Variants in KCNIP4 observed in about 807,000 individuals in gnomAD.
KCNIP4 encodes the protein potassium voltage-gated channel interacting protein 4.
Under a neutral mutation model 34.0 loss-of-function variants are expected in KCNIP4, and 12 were observed. The ratio of observed to expected loss-of-function variants is 0.35; its 90% CI spans 0.23 to 0.57. The LOEUF (loss-of-function observed/expected upper bound fraction) is 0.57. Among genes scored for constraint, KCNIP4 ranks in the 20% least tolerant of loss-of-function variants. The pLI, the probability that KCNIP4 is intolerant of heterozygous loss-of-function variation, is 0.83. For synonymous variants in KCNIP4, 124 were observed against 102.2 expected (o/e 1.21, Z -1.29); for missense variants, 238 against 311.7 (o/e 0.76, Z 1.78).
chr4:20,766,427 G>A lies in KCNIP4; in HGVS notation c.289-7537C>T, dbSNP rs1032087216. On this transcript the variant is annotated intron_variant, in intron 3 of 8. Coordinates refer to ENST00000382152, the MANE Select transcript of KCNIP4 (RefSeq NM_025221.6). The stretch of plus-strand genomic sequence containing the variant: ...CTAAAAATACAAAAATTAGCCAGGC[G>A]TGGTGGCACATGCCTATAATCTGAA... Among the ~76,000 whole-genome samples the A allele has an allele frequency of 5.9e-5, 9 of 152,222 alleles. No homozygotes were observed. The East Asian group carries it at 9.7e-4, about 16-fold the overall frequency.
chr4:21,765,174 G>A (rs1310458151), intron 1 of KCNIP4, among the ~76,000 whole-genome samples: 5 of 95,920 alleles, frequency 5.2e-5, no homozygotes, highest in African/African-American at 1.4e-4. Context: ...TTTTTTTTCC[G>A]AGACAGAGTC....
intron 1 of KCNIP4, among the ~76,000 whole-genome samples, chr4:21,809,578 T>A (rs1245380081): frequency 6.6e-6 from 1 of 152,212 alleles, no homozygotes; most frequent in South Asian, 2.1e-4. Flanking sequence ...AGGTATCTCA[T>A]CTTTCCAGGC....
chr4:21,382,427 A>T (rs1034954539), intron 1 of KCNIP4, among the ~76,000 whole-genome samples: 10 of 152,226 alleles, frequency 6.6e-5, no homozygotes. Flanking sequence ...TCAAAGGAGC[A>T]GTATAATGAT....
intron 3 of KCNIP4, among the ~76,000 whole-genome samples, chr4:20,839,976 G>C (rs552317280): frequency 2.0e-5 from 3 of 152,190 alleles, no homozygotes; most frequent in Non-Finnish European, 2.9e-5. Context: ...TGTTGGGAAA[G>C]TGTCTACCAT....
At chr4:21,410,258 G>GT (rs1724370731) in intron 1 of KCNIP4, among the ~76,000 whole-genome samples, 1 of 152,180 alleles carries the variant, frequency 6.6e-6, no homozygotes, top group Non-Finnish European at 1.5e-5. Flanking sequence ...AAGTTGTAGT[G>GT]TTTTAAAATA....
intron 1 of KCNIP4, among the ~76,000 whole-genome samples, chr4:21,109,164 T>G (rs1748893379): frequency 6.6e-6 from 1 of 152,158 alleles, no homozygotes; most frequent in Non-Finnish European, 1.5e-5. Context: ...CTGCAGAGGT[T>G]ACTGCTGTCT....
intron 1 of KCNIP4, among the ~76,000 whole-genome samples, chr4:21,001,209 GATACA>G (rs150734884): frequency 0.011 from 1,694 of 152,170 alleles, 26 homozygotes; most frequent in East Asian, 0.035. Flanking sequence ...AACATACATA[GATACA>G]ATACATCACC....
At chr4:20,848,338 G>C (rs1454559802) in intron 3 of KCNIP4, among the ~76,000 whole-genome samples, 3 of 151,630 alleles carry the variant, frequency 2.0e-5, no homozygotes, top group Non-Finnish European at 4.4e-5. Flanking sequence ...AATTCACAAG[G>C]GGAAGAGACA....
At chr4:21,367,327 C>T (rs1403768720) in intron 1 of KCNIP4, among the ~76,000 whole-genome samples, 1 of 152,138 alleles carries the variant, frequency 6.6e-6, no homozygotes, top group Non-Finnish European at 1.5e-5. Context: ...TTTCTTGTAT[C>T]TGATTTGTCT....
intron 1 of KCNIP4, among the ~76,000 whole-genome samples, chr4:20,973,995 C>T (rs753563397): frequency 9.9e-5 from 15 of 151,810 alleles, no homozygotes; most frequent in African/African-American, 2.9e-4. Flanking sequence ...TTTGAAATAC[C>T]GTAAAAAATT....
At chr4:21,505,235 T>C (rs779564671) in intron 1 of KCNIP4, among the ~76,000 whole-genome samples, 2 of 151,184 alleles carry the variant, frequency 1.3e-5, no homozygotes, top group Non-Finnish European at 2.9e-5. Flanking sequence ...TTTCCCCCCA[T>C]TGGATTTTCT....
intron 1 of KCNIP4, among the ~76,000 whole-genome samples, chr4:21,175,840 C>T (rs79687704): frequency 0.078 from 11,864 of 152,140 alleles, 637 homozygotes; most frequent in Middle Eastern, 0.15. Flanking sequence ...GGCAGCTGAC[C>T]ACAGATAAAT....
At chr4:21,042,806 G>A (rs75468784) in intron 1 of KCNIP4, among the ~76,000 whole-genome samples, 3,763 of 152,220 alleles carry the variant, frequency 0.025, 68 homozygotes, top group Middle Eastern at 0.054. Context: ...CAATTATTAT[G>A]TGTCAATCGT....
intron 1 of KCNIP4, among the ~76,000 whole-genome samples, chr4:21,415,487 T>A (rs969891620): frequency 6.6e-6 from 1 of 150,958 alleles, no homozygotes; most frequent in Non-Finnish European, 1.5e-5. Context: ...AGGTCAGGAG[T>A]TCGAGACCAG....
At chr4:21,479,444 G>C (rs1426273396) in intron 1 of KCNIP4, among the ~76,000 whole-genome samples, 2 of 152,102 alleles carry the variant, frequency 1.3e-5, no homozygotes, top group Non-Finnish European at 2.9e-5. Flanking sequence ...GCATGCTAAA[G>C]GAGTGTACAC....
chr4:21,497,819 G>T (rs1299903876), intron 1 of KCNIP4, among the ~76,000 whole-genome samples: 2 of 151,884 alleles, frequency 1.3e-5, no homozygotes, highest in African/African-American at 4.8e-5. Flanking sequence ...AAAAATTAAT[G>T]CATAGTTATT....
intron 2 of KCNIP4, among the ~76,000 whole-genome samples, chr4:20,880,272 G>A (rs558778072): frequency 4.6e-5 from 7 of 152,156 alleles, no homozygotes; most frequent in Admixed American, 2.6e-4. Flanking sequence ...CAAATTGACT[G>A]TCCTGAACAT....
intron 1 of KCNIP4, among the ~76,000 whole-genome samples, chr4:21,526,308 C>T (rs942687566): frequency 2.6e-5 from 4 of 152,074 alleles, no homozygotes; most frequent in Admixed American, 2.6e-4. Flanking sequence ...TCTGCACATG[C>T]TCCCTCTTGC....
intron 1 of KCNIP4, among the ~76,000 whole-genome samples, chr4:21,857,276 C>T (rs1054112361): frequency 1.3e-5 from 2 of 152,208 alleles, no homozygotes; most frequent in Non-Finnish European, 2.9e-5. Context: ...CAGAAAGGAG[C>T]TACCTACCCC....
Sources: allele counts gnomAD v4.1 joint callset (sites outside exome capture counted in the v4.1 genomes callset), GRCh38; gene constraint gnomAD v4.1.1; transcripts MANE v1.5; gene names NCBI Gene and HGNC (gene_info 2026-07-23, HGNC 2026-07-21).